STK33: variants seen among roughly 807,000 people sequenced by gnomAD.
STK33 encodes serine/threonine-protein kinase 33.
STK33 carries 52 observed loss-of-function variants against 58.0 expected under a neutral mutation model. The ratio of observed to expected loss-of-function variants is 0.90; its 90% CI spans 0.72 to 1.13. STK33 has a LOEUF of 1.13. STK33 is among the 50% of genes most tolerant of loss of function. The probability of loss-of-function intolerance (pLI) is 0.00; values close to 1 mark genes in which losing one functional copy is unlikely to be tolerated. For missense variants in STK33, 630 were observed against 604.2 expected (o/e 1.04, Z -0.45); for synonymous variants, 215 against 200.1 (o/e 1.07, Z -0.63).
At chr11:8,338,196 C>G in the STK33 span, among the ~76,000 whole-genome samples, 1 of 152,168 alleles carries the variant, frequency 6.6e-6, no homozygotes, top group Non-Finnish European at 1.5e-5. Flanking sequence ...CAGGGCCTGG[C>G]CAAGGCCAGC....
At position 8,553,167 on chromosome 11, in the gene STK33, AATATATAT is replaced by A. The variant is rs56363010; in HGVS notation, c.-466+40908_-466+40915del. The stretch of plus-strand genomic sequence containing the variant: ...AGGGAGACTCCGTCTCCAAAAATAA[AATATATAT>A]ATATATATATATATATATATATGGT... On this transcript the variant is annotated intron_variant, in intron 1 of 15. Coordinates refer to ENST00000687296, the MANE Select transcript of STK33 (RefSeq NM_001352389.2). Among the ~76,000 whole-genome samples, 27 of 68,194 alleles carry A rather than the reference AATATATAT, an allele frequency of 4.0e-4. 1 individual carries two copies. Among genetic ancestry groups the A allele is most frequent in the Admixed American group, 2.9e-3 (13 of 4,466 alleles). The allele number at this position is 68,194 out of a possible 152,430, so 44.7% of individuals were successfully genotyped here.
intron 15 of STK33, among the ~76,000 whole-genome samples, chr11:8,411,779 G>C (rs572814339): frequency 6.6e-6 from 1 of 152,258 alleles, no homozygotes; most frequent in East Asian, 1.9e-4. Flanking sequence ...AATTTTTCCT[G>C]TCGATGAAAC....
the STK33 span, among the ~76,000 whole-genome samples, chr11:8,342,000 A>C: frequency 6.6e-6 from 1 of 152,212 alleles, no homozygotes. Context: ...AGAATGGGGC[A>C]GCTCATGCTT....
chr11:8,368,264 G>A, the STK33 span, among the ~76,000 whole-genome samples: 3,135 of 152,270 alleles, frequency 0.021, 94 homozygotes, highest in African/African-American at 0.064. Context: ...TCCCCCACCC[G>A]GGCCTCCTGT....
chr11:8,578,599 G>A (rs546139620), intron 1 of STK33, among the ~76,000 whole-genome samples: 49 of 150,906 alleles, frequency 3.2e-4, no homozygotes, highest in African/African-American at 9.3e-4. Flanking sequence ...ATTTTTGTAC[G>A]TGTAATTCAC....
the STK33 span, among the ~76,000 whole-genome samples, chr11:8,364,553 G>A: frequency 6.6e-6 from 1 of 152,180 alleles, no homozygotes; most frequent in African/African-American, 2.4e-5. Flanking sequence ...GAGCCAGCAG[G>A]GAAGTTTACC....
At chr11:8,352,640 C>T in the STK33 span, among the ~76,000 whole-genome samples, 6 of 152,138 alleles carry the variant, frequency 3.9e-5, no homozygotes, top group South Asian at 6.2e-4. Context: ...ATTGTTTGTG[C>T]GCTTTGAAGA....
chr11:8,463,497 G>A lies in STK33; in HGVS notation c.453+1212C>T, dbSNP rs59259130. Among the ~76,000 whole-genome samples the A allele has an allele frequency of 8.2e-3, 1,245 of 152,148 alleles. 27 individuals carry two copies. Among genetic ancestry groups the A allele is most frequent in the African/African-American group, 0.028 (1,151 of 41,502 alleles). On this transcript the variant is annotated intron_variant, in intron 7 of 15. Coordinates refer to ENST00000687296, the MANE Select transcript of STK33 (RefSeq NM_001352389.2). ...TCCTAACAGGCCACGGACAGGTACC[G>A]GTCCAAGACCTGGGGGTTGGGGACC...
At chr11:8,437,650 T>C (rs1944243450) in intron 12 of STK33, among the ~76,000 whole-genome samples, 1 of 47,594 alleles carries the variant, frequency 2.1e-5, no homozygotes. Context: ...ATTTTCTTTA[T>C]ATTTTTCTTT....
At chr11:8,439,669 A>C (rs12803512) in intron 12 of STK33, among the ~76,000 whole-genome samples, 8,884 of 151,388 alleles carry the variant, frequency 0.059, 357 homozygotes, top group Non-Finnish European at 0.085. Context: ...CGAGTATTGA[A>C]ATGTGACCTG....
intron 1 of STK33, among the ~76,000 whole-genome samples, chr11:8,537,718 T>A (rs1047371904): frequency 1.4e-5 from 2 of 143,346 alleles, no homozygotes; most frequent in East Asian, 4.2e-4. Context: ...GCCTGGCCAA[T>A]ATGGGAGGCT....
intron 1 of STK33, among the ~76,000 whole-genome samples, chr11:8,558,361 T>C (rs1956905192): frequency 6.6e-6 from 1 of 151,962 alleles, no homozygotes; most frequent in African/African-American, 2.4e-5. Context: ...GGGGGAAATG[T>C]AGCTAGGGAC....
the STK33 span, among the ~76,000 whole-genome samples, chr11:8,363,138 A>AG: frequency 6.6e-6 from 1 of 152,088 alleles, no homozygotes; most frequent in South Asian, 2.1e-4. Flanking sequence ...GCATGGGCTG[A>AG]GGAGTAGCCA....
intron 14 of STK33, among the ~76,000 whole-genome samples, chr11:8,432,287 C>T (rs573724756): frequency 6.6e-6 from 1 of 152,182 alleles, no homozygotes; most frequent in Admixed American, 6.5e-5. Context: ...TTATTTGTCA[C>T]CAGGAGACTT....
intron 1 of STK33, among the ~76,000 whole-genome samples, chr11:8,547,813 T>C (rs10840072): frequency 0.54 from 81,576 of 151,684 alleles, 22,085 homozygotes; most frequent in South Asian, 0.65. Context: ...ACATATACAC[T>C]ATGGAATACT....
the STK33 span, among the ~76,000 whole-genome samples, chr11:8,365,779 C>A: frequency 0.049 from 7,432 of 152,252 alleles, 246 homozygotes; most frequent in Non-Finnish European, 0.07. Flanking sequence ...AGGGGGCCCC[C>A]GAGAACACAG....
chr11:8,361,846 C>G, the STK33 span, among the ~76,000 whole-genome samples: 1 of 152,234 alleles, frequency 6.6e-6, no homozygotes, highest in Non-Finnish European at 1.5e-5. The surrounding 1 kb of genome is among the most constrained non-coding windows in gnomAD (Gnocchi z 4.8). Context: ...CACCCCACCA[C>G]TGCTGGATCC....
intron 1 of STK33, among the ~76,000 whole-genome samples, chr11:8,538,132 G>A (rs1341224849): frequency 6.6e-6 from 1 of 151,906 alleles, no homozygotes; most frequent in African/African-American, 2.4e-5. Flanking sequence ...AGATTGCAGT[G>A]AGCCAAGAAT....
At chr11:8,392,851 AATT>A (rs1848762835) in intron 15 of STK33, 141 bp from the exon 16 acceptor site, 1 of 721,194 alleles carries the variant, frequency 1.4e-6, no homozygotes, top group Non-Finnish European at 2.2e-6. Flanking sequence ...CATATTGTAA[AATT>A]ATTATTAAAT....
Sources: gnomAD v4.1 joint callset for allele counts (sites outside exome capture counted in the v4.1 genomes callset) on GRCh38, gnomAD v4.1.1 for gene constraint, Gnocchi (gnomAD v3.1) non-coding constraint, MANE v1.5 for transcripts, NCBI Gene and HGNC (gene_info 2026-07-23, HGNC 2026-07-21) for gene names.